Variants in SMG7 observed in about 807,000 individuals in gnomAD.
The protein encoded by SMG7 is SMG7 nonsense mediated mRNA decay factor, also known as nonsense-mediated mRNA decay factor SMG7.
In SMG7, 34 loss-of-function variants were observed where a neutral mutation model predicts 148.2. The observed-to-expected ratio is 0.23, with a 90% CI of 0.17 to 0.31. The LOEUF (loss-of-function observed/expected upper bound fraction) is 0.31, where lower values mean the gene tolerates loss of function less well. Among genes scored for constraint, SMG7 ranks in the 10% least tolerant of loss-of-function variants. SMG7 has a pLI of 1.00. For missense variants in SMG7, 1,114 were observed against 1,408.4 expected (o/e 0.79, Z 3.35); for synonymous variants, 492 against 515.1 (o/e 0.96, Z 0.61).
intron 3 of SMG7, among the ~76,000 whole-genome samples, chr1:183,516,546 A>T (rs1326627924): frequency 6.6e-6 from 1 of 152,216 alleles, no homozygotes; most frequent in Non-Finnish European, 1.5e-5. Flanking sequence ...AGATAACCAG[A>T]TTCCCAAGTG....
rs753946102 is a variant in SMG7 at position 183,517,841 on chromosome 1, C to G, written c.312+21C>G. 4 of 1,612,300 alleles carry G rather than the reference C, an allele frequency of 2.5e-6. No individual in the cohort carries two copies. In the African/African-American group the frequency reaches 5.3e-5, roughly 22 times the overall value. ...CTCAGGTGAGTTCTGCATTGTATAC[C>G]AGTTTTCTTACTATTAGTGGTAAAT... On this transcript the variant is annotated intron_variant, in intron 4 of 22. Transcript: ENST00000688051.
intron 4 of SMG7, among the ~76,000 whole-genome samples, chr1:183,520,619 A>G (rs1664552690): frequency 1.3e-5 from 2 of 152,288 alleles, no homozygotes; most frequent in South Asian, 4.1e-4. Context: ...GGGAGGGGGA[A>G]GGCATCTACC....
chr1:183,493,825 C>G (rs1256004246), intron 1 of SMG7, among the ~76,000 whole-genome samples: 1 of 152,086 alleles, frequency 6.6e-6, no homozygotes, highest in Non-Finnish European at 1.5e-5. Flanking sequence ...GGTGATCTGC[C>G]CGCCCTGGCC....
chr1:183,524,733 A>G (rs1235752498), intron 4 of SMG7, among the ~76,000 whole-genome samples: 1 of 152,198 alleles, frequency 6.6e-6, no homozygotes, highest in African/African-American at 2.4e-5. Flanking sequence ...TCTGAAAAAA[A>G]TTGAGCTTTA....
Position 183,502,124 on chromosome 1 carries a change from A to T in SMG7, c.30-10713A>T, listed in dbSNP as rs528912710. On this transcript the variant is annotated intron_variant, in intron 1 of 22. Transcript: ENST00000688051. The stretch of plus-strand genomic sequence containing the variant: ...TCTAAGAAACATTAAACAAAAAAAG[A>T]AAAAGGCTTTGACATTTTTCCTTTA... 6 of 590,070 alleles carry T rather than the reference A, an allele frequency of 1.0e-5. No individual in the cohort carries two copies. In the South Asian group the frequency reaches 1.2e-4, roughly 12 times the overall value. 36.6% of individuals were successfully genotyped at this position (590,070 alleles called of 1,614,324 possible).
Position 183,553,398 on chromosome 1 carries a change from A to G in SMG7, c.*1467A>G. 1.7e-6 allele frequency: 1 copy of G among 604,244 alleles called. No homozygotes were observed. The highest frequency in any genetic ancestry group is 2.8e-6 in the Non-Finnish European group (1 of 353,258). The allele number at this position is 604,244 out of a possible 1,614,324, so 37.4% of individuals were successfully genotyped here. Reference sequence around the variant, plus strand: ...GGAGGTCTCTCCTTTGTGTGTCTGTATGTTTGTGTACACACACGTGCCCAT... The same window carrying G: ...GGAGGTCTCTCCTTTGTGTGTCTGTGTGTTTGTGTACACACACGTGCCCAT... On this transcript the variant is annotated 3_prime_UTR_variant, in exon 23 of 23. Coordinates refer to ENST00000688051, the MANE Select transcript of SMG7 (RefSeq NM_001375584.1).
At position 183,533,175 on chromosome 1, in the gene SMG7, C is replaced by T; in HGVS notation, c.855C>T (p.Phe285=). Reference sequence around the variant, plus strand: ...GTCTTCTTTTACAGAGGCTGCTATTCCAAAAAGCTTTCAACTCTCAGCAGT... The same window carrying T: ...GTCTTCTTTTACAGAGGCTGCTATTTCAAAAAGCTTTCAACTCTCAGCAGT... The part of the protein sequence containing the change: ...KLEEQFKRLL[F]QKAFNSQQLV... The change falls in exon 9 of 23, where the codon TTC becomes TTT. Residue 285 remains phenylalanine, a synonymous_variant. Coordinates refer to ENST00000688051, the MANE Select transcript of SMG7 (RefSeq NM_001375584.1). 6.2e-7 allele frequency: 1 copy of T among 1,613,338 alleles called. No individual in the cohort carries two copies. The highest frequency in any genetic ancestry group is 8.5e-7 in the Non-Finnish European group (1 of 1,179,572).
intron 12 of SMG7, among the ~76,000 whole-genome samples, chr1:183,539,009 G>C (rs1056105930): frequency 9.9e-5 from 15 of 152,128 alleles, no homozygotes; most frequent in African/African-American, 3.6e-4. Flanking sequence ...AATTAGCCGG[G>C]CATGGTGGCG....
In SMG7 at chr1:183,549,888, G is replaced by A; in HGVS notation, c.3098G>A (p.Gly1033Glu). The A allele has an allele frequency of 6.2e-7, 1 of 1,613,798 alleles. No individual in the cohort carries two copies. The highest frequency in any genetic ancestry group is 1.1e-5 in the South Asian group (1 of 91,070). ...QETSLYSLFE[G>E]TPWSPSLPAS... ...ACATCTCTGTATTCCCTTTTTGAAG[G>A]GACTCCGTGGTCTCCATCACTTCCT... The change falls in exon 20 of 23, where the codon GGG becomes GAG. Residue 1033 changes from glycine to glutamate, a missense_variant. This residue lies in a region of SMG7 where 788 missense variants were observed against 894.5 expected (regional missense o/e 0.88). Transcript: ENST00000688051.
chr1:183,542,127 C>T lies in SMG7; in HGVS notation c.1467C>T (p.Ile489=). The T allele has an allele frequency of 1.2e-6, 2 of 1,613,612 alleles. No homozygotes were observed. Among genetic ancestry groups the T allele is most frequent in the South Asian group, 2.2e-5 (2 of 91,004 alleles). ...GGAAATTGTTGTTTATCACAGAAAT[C>T]CCAGAATTAATACTGGAAGACCCCA... ...EVGKLLFITE[I]PELILEDPSE... The change falls in exon 14 of 23, where the codon ATC becomes ATT. Residue 489 remains isoleucine, a synonymous_variant. Coordinates refer to ENST00000688051, the MANE Select transcript of SMG7 (RefSeq NM_001375584.1).
In SMG7 at chr1:183,552,326, A is replaced by C; in HGVS notation, c.*395A>C. 6 of 998,536 alleles carry C rather than the reference A, an allele frequency of 6.0e-6. No homozygotes were observed. Among genetic ancestry groups the C allele is most frequent in the Non-Finnish European group, 6.0e-6 (5 of 838,490 alleles). The allele number at this position is 998,536 out of a possible 1,614,324, so 61.9% of individuals were successfully genotyped here. A position where few individuals can be genotyped will look rare whatever the true frequency, so the allele number is the denominator to read the frequency against. On this transcript the variant is annotated 3_prime_UTR_variant, in exon 23 of 23. Coordinates refer to ENST00000688051, the MANE Select transcript of SMG7 (RefSeq NM_001375584.1). ...GTCCTTTTTTCCTCTTTGGGGAATAAAATAGGAATCCATTAATGATTGCTT... is the reference window on the plus strand; with the variant it reads ...GTCCTTTTTTCCTCTTTGGGGAATACAATAGGAATCCATTAATGATTGCTT...
intron 2 of SMG7, among the ~76,000 whole-genome samples, chr1:183,515,414 TCCTTACAGAGACTC>T (rs1446630380): frequency 6.6e-6 from 1 of 151,960 alleles, no homozygotes; most frequent in Non-Finnish European, 1.5e-5. Flanking sequence ...TTTGTGGGAG[TCCTTACAGAGACTC>T]CCTTACAGAG....
intron 1 of SMG7, among the ~76,000 whole-genome samples, chr1:183,483,290 A>G (rs562833318): frequency 1.3e-5 from 2 of 152,282 alleles, no homozygotes; most frequent in Admixed American, 6.5e-5. Context: ...GATACAGTAT[A>G]ATGGATGTGT....
Position 183,552,133 on chromosome 1 carries a change from C to G in SMG7, c.*202C>G. On this transcript the variant is annotated 3_prime_UTR_variant, in exon 23 of 23. Coordinates refer to ENST00000688051, the MANE Select transcript of SMG7 (RefSeq NM_001375584.1). ...AAAGAAAAATCCATCAGGAACTCTCCGTCCCCCCGGGGCCCTCCGGAGGGA... is the reference window on the plus strand; with the variant it reads ...AAAGAAAAATCCATCAGGAACTCTCGGTCCCCCCGGGGCCCTCCGGAGGGA... 7.9e-7 allele frequency: 1 copy of G among 1,267,172 alleles called. No homozygotes were observed. The highest frequency in any genetic ancestry group is 1.5e-5 in the African/African-American group (1 of 65,688). 78.5% of individuals were successfully genotyped at this position (1,267,172 alleles called of 1,614,324 possible).
chr1:183,512,723 A>T, intron 1 of SMG7, 114 bp from the exon 2 acceptor site: 1 of 975,150 alleles, frequency 1.0e-6, no homozygotes, highest in Non-Finnish European at 1.5e-6. Flanking sequence ...TAGCTGCTGT[A>T]TATCCTTATC....
At chr1:183,515,766 C>G in intron 2 of SMG7, 108 bp from the exon 3 acceptor site, 1 of 559,718 alleles carries the variant, frequency 1.8e-6, no homozygotes, top group East Asian at 2.8e-5. Flanking sequence ...ATATTTAGAG[C>G]AGGTTTTGCC....
intron 20 of SMG7, 151 bp downstream of exon 20, chr1:183,550,074 GAAA>G: frequency 2.2e-6 from 1 of 447,184 alleles, no homozygotes. Flanking sequence ...AAAGGAAATA[GAAA>G]AAAAAAAAGA....
At chr1:183,523,462 TCAGCTA>T (rs1219286466) in intron 4 of SMG7, among the ~76,000 whole-genome samples, 2 of 152,180 alleles carry the variant, frequency 1.3e-5, no homozygotes, top group African/African-American at 4.8e-5. Flanking sequence ...GCATTAATAT[TCAGCTA>T]CAGCCTTAGG....
chr1:183,489,707 A>G (rs1442654907), intron 1 of SMG7, among the ~76,000 whole-genome samples: 1 of 152,210 alleles, frequency 6.6e-6, no homozygotes, highest in Non-Finnish European at 1.5e-5. Context: ...TTAAAGAAGT[A>G]TAAGGGCATT....
Sources: gnomAD v4.1 joint callset for allele counts (sites outside exome capture counted in the v4.1 genomes callset) on GRCh38, gnomAD v4.1.1 for gene constraint, gnomAD v4.1.1 regional missense constraint, MANE v1.5 for transcripts, NCBI Gene and HGNC (gene_info 2026-07-23, HGNC 2026-07-21) for gene names.